The following CC2D2A variants were observed in gnomAD, a reference collection of about 807,000 sequenced individuals.
CC2D2A encodes the protein coiled-coil and C2 domain-containing protein 2A.
Under a neutral mutation model 212.9 loss-of-function variants are expected in CC2D2A, and 155 were observed. The observed-to-expected ratio is 0.73, with a 90% CI of 0.64 to 0.83. The LOEUF is 0.83. Ranked by LOEUF, CC2D2A falls within the 40% of genes least tolerant of loss-of-function variation. The probability of loss-of-function intolerance (pLI) is 0.00; values close to 1 mark genes in which losing one functional copy is unlikely to be tolerated. For synonymous variants in CC2D2A, 667 were observed against 686.5 expected, an observed-to-expected ratio of 0.97 and a Z score of 0.44; for missense variants, 1,856 against 1,956.2, an observed-to-expected ratio of 0.95 and a Z score of 0.97.
intron 28 of CC2D2A, among the ~76,000 whole-genome samples, chr4:15,570,748 C>T (rs1560188467): frequency 6.6e-6 from 1 of 152,024 alleles, no homozygotes; most frequent in Non-Finnish European, 1.5e-5. Context: ...CCCAGCTACT[C>T]GGGAGGCTGA....
At chr4:15,582,061 A>C (rs1355611070) in intron 30 of CC2D2A, among the ~76,000 whole-genome samples, 10 of 152,236 alleles carry the variant, frequency 6.6e-5, no homozygotes, top group Admixed American at 3.3e-4. Flanking sequence ...AGACATGTTT[A>C]ATATATTTAA....
intron 7 of CC2D2A, among the ~76,000 whole-genome samples, chr4:15,510,593 C>T (rs150264962): frequency 1.6e-3 from 250 of 152,282 alleles, no homozygotes; most frequent in African/African-American, 5.7e-3. Context: ...GAGACCTCAT[C>T]TCTTAATTAA....
At chr4:15,573,041 A>T (rs778139981) in intron 28 of CC2D2A, among the ~76,000 whole-genome samples, 4 of 152,110 alleles carry the variant, frequency 2.6e-5, no homozygotes, top group African/African-American at 4.8e-5. Context: ...AGCTGATCAG[A>T]TGGTGCCCAC....
chr4:15,474,328 A>G (rs1714027935), intron 1 of CC2D2A, among the ~76,000 whole-genome samples: 3 of 152,212 alleles, frequency 2.0e-5, no homozygotes, highest in African/African-American at 7.2e-5. Flanking sequence ...ACCCACAAGT[A>G]AGTGAGAACA....
intron 4 of CC2D2A, among the ~76,000 whole-genome samples, chr4:15,496,946 C>T (rs987700693): frequency 1.3e-5 from 2 of 152,172 alleles, no homozygotes; most frequent in Non-Finnish European, 2.9e-5. Flanking sequence ...ATCCCATGCT[C>T]ATGGATAAGA....
At chr4:15,546,288 T>C (rs1173302661) in intron 17 of CC2D2A, among the ~76,000 whole-genome samples, 2 of 152,234 alleles carry the variant, frequency 1.3e-5, no homozygotes, top group Non-Finnish European at 2.9e-5. Context: ...AAGCTTTGCC[T>C]TCATTTTTGT....
intron 28 of CC2D2A, among the ~76,000 whole-genome samples, chr4:15,573,351 C>T (rs1338020844): frequency 4.0e-5 from 6 of 151,362 alleles, no homozygotes; most frequent in South Asian, 2.1e-4. Context: ...AGTGCAGTGG[C>T]GCCATCTCGG....
At chr4:15,514,529 T>G (rs1242771034) in intron 8 of CC2D2A, among the ~76,000 whole-genome samples, 178 bp from the exon 9 acceptor site, 1 of 152,244 alleles carries the variant, frequency 6.6e-6, no homozygotes, top group Admixed American at 6.5e-5. Context: ...AACAATTTTT[T>G]TAAAAACCCA....
At chr4:15,551,296 T>G (rs928858425) in intron 18 of CC2D2A, among the ~76,000 whole-genome samples, 2 of 152,218 alleles carry the variant, frequency 1.3e-5, no homozygotes, top group African/African-American at 4.8e-5. Flanking sequence ...GACAAACATG[T>G]ATGCATAAAA....
intron 1 of CC2D2A, chr4:15,473,131 C>T (rs150287376): frequency 1.6e-4 from 25 of 152,242 alleles, no homozygotes; most frequent in Non-Finnish European, 3.2e-4. Flanking sequence ...ATCATTCATT[C>T]GACAAGTATA....
Position 15,563,514 on chromosome 4 carries a change from G to T in CC2D2A, c.3174G>T (p.Pro1058=). 6.2e-7 allele frequency: 1 copy of T among 1,611,488 alleles called. No individual in the cohort carries two copies. The highest frequency in any genetic ancestry group is 1.1e-5 in the South Asian group (1 of 90,338). ...CTTACGACATTCCAGTGAGGAAGCC[G>T]GCAGTGAGGTGAGAGCCCTCCCAAC... The part of the protein sequence containing the change: ...VRAYDIPVRK[P]AVSKFQQPSR... Residue 1058 remains proline (P), a synonymous_variant, in exon 24 of 37, where the codon CCG becomes CCT. Coordinates refer to ENST00000424120, the MANE Select transcript of CC2D2A (RefSeq NM_001378615.1).
chr4:15,574,005 T>G (rs2109077640), intron 28 of CC2D2A, 145 bp from the exon 29 acceptor site: 134 of 614,698 alleles, frequency 2.2e-4, no homozygotes, highest in East Asian at 5.1e-4. Flanking sequence ...CTTAGAGAGA[T>G]GAGATTAGAA....
intron 30 of CC2D2A, among the ~76,000 whole-genome samples, chr4:15,585,266 GAATA>G (rs1280597719): frequency 1.3e-5 from 2 of 152,134 alleles, no homozygotes; most frequent in Non-Finnish European, 1.5e-5. Flanking sequence ...ATGGATGAAT[GAATA>G]AAGAAAATGT....
In CC2D2A at chr4:15,484,645, T is replaced by C. The variant is rs74366886; in HGVS notation, c.247+3818T>C. The stretch of plus-strand genomic sequence containing the variant: ...AGAGACGAACAGGTATATTTCTCGA[T>C]TGAACAAGAATTATGAAAGCAGGAA... On this transcript the variant is annotated intron_variant, in intron 4 of 36. Coordinates refer to ENST00000424120, the MANE Select transcript of CC2D2A (RefSeq NM_001378615.1). Among the ~76,000 whole-genome samples, 18 of 152,242 alleles carry C rather than the reference T, an allele frequency of 1.2e-4. 1 individual carries two copies. Among genetic ancestry groups the C allele is most frequent in the Non-Finnish European group, 7.4e-5 (5 of 68,018 alleles).
At chr4:15,588,165 T>G (rs1012242548) in intron 32 of CC2D2A, among the ~76,000 whole-genome samples, 4 of 152,156 alleles carry the variant, frequency 2.6e-5, no homozygotes, top group Non-Finnish European at 5.9e-5. Flanking sequence ...CCGAACCCTT[T>G]ACCATCCAAA....
chr4:15,499,631 T>C (rs16892060), intron 4 of CC2D2A, among the ~76,000 whole-genome samples: 4,311 of 152,276 alleles, frequency 0.028, 135 homozygotes, highest in African/African-American at 0.077. Flanking sequence ...TAGTAAACCA[T>C]GTACAAGTAA....
At chr4:15,479,049 TA>T (rs1714436799) in intron 3 of CC2D2A, among the ~76,000 whole-genome samples, 1 of 152,098 alleles carries the variant, frequency 6.6e-6, no homozygotes, top group African/African-American at 2.4e-5. Flanking sequence ...ATTTTTACTC[TA>T]AGTTTTCTCC....
At chr4:15,576,429 G>A in intron 29 of CC2D2A, 2 of 968,012 alleles carry the variant, frequency 2.1e-6, no homozygotes, top group Non-Finnish European at 2.5e-6. Context: ...CATTCCATAG[G>A]ATGTTTTAAA....
chr4:15,573,653 A>C (rs957008207), intron 28 of CC2D2A, among the ~76,000 whole-genome samples: 1 of 152,194 alleles, frequency 6.6e-6, no homozygotes, highest in Non-Finnish European at 1.5e-5. Flanking sequence ...TAAGCTTTGG[A>C]ATATAATTAA....
Sources: allele counts gnomAD v4.1 joint callset (sites outside exome capture counted in the v4.1 genomes callset), GRCh38; gene constraint gnomAD v4.1.1; transcripts MANE v1.5; gene names NCBI Gene and HGNC (gene_info 2026-07-23, HGNC 2026-07-21).